Variants in LRRTM3 observed in about 807,000 individuals in gnomAD.
LRRTM3 encodes the protein leucine rich repeat transmembrane neuronal 3.
Under a neutral mutation model 44.7 loss-of-function variants are expected in LRRTM3, and 24 were observed. The ratio of observed to expected loss-of-function variants is 0.54; its 90% CI spans 0.39 to 0.76. The LOEUF (loss-of-function observed/expected upper bound fraction) is 0.76. Ranked by LOEUF, LRRTM3 falls within the 30% of genes least tolerant of loss-of-function variation. LRRTM3 has a pLI of 0.00. For synonymous variants in LRRTM3, 277 were observed against 278.7 expected (o/e 0.99, Z 0.06); for missense variants, 587 against 702.2 (o/e 0.84, Z 1.85).
chr10:67,034,716 C>A (rs2133122202), intron 2 of LRRTM3, among the ~76,000 whole-genome samples: 2 of 152,318 alleles, frequency 1.3e-5, no homozygotes, highest in East Asian at 3.9e-4. Flanking sequence ...TACTCAGATG[C>A]AAAAACTGAC....
chr10:67,055,423 C>G (rs1855363557), intron 2 of LRRTM3, among the ~76,000 whole-genome samples: 1 of 104,100 alleles, frequency 9.6e-6, no homozygotes, highest in African/African-American at 3.6e-5. Context: ...GAACTTTACA[C>G]AGTTCCTGTC....
chr10:66,991,586 T>C (rs2132936770), intron 2 of LRRTM3, among the ~76,000 whole-genome samples: 1 of 152,276 alleles, frequency 6.6e-6, no homozygotes, highest in Admixed American at 6.5e-5. Context: ...AGTTTCGCTC[T>C]TGTTGCCCAG....
In LRRTM3 at chr10:67,092,941, A is replaced by G. The variant is rs1039862170; in HGVS notation, c.1537-4646A>G. 6.6e-5 allele frequency among the ~76,000 whole-genome samples: 10 copies of G among 152,064 alleles called. 1 individual carries two copies. In the East Asian group the frequency reaches 1.9e-3, roughly 29 times the overall value. Reference sequence around the variant, plus strand: ...CTCATTATTACAATAGCATATAACGATTTTCTTAGCTAAGAGTATACATGA... The same window carrying G: ...CTCATTATTACAATAGCATATAACGGTTTTCTTAGCTAAGAGTATACATGA... On this transcript the variant is annotated intron_variant, in intron 2 of 2. Transcript: ENST00000361320.
intron 2 of LRRTM3, among the ~76,000 whole-genome samples, chr10:66,953,984 C>A (rs1848668032): frequency 6.6e-6 from 1 of 152,056 alleles, no homozygotes; most frequent in African/African-American, 2.4e-5. Flanking sequence ...TTTTGAAATA[C>A]AAAATAATTA....
intron 2 of LRRTM3, among the ~76,000 whole-genome samples, chr10:67,016,306 G>A (rs750521837): frequency 7.2e-5 from 11 of 152,196 alleles, no homozygotes; most frequent in Admixed American, 5.2e-4. Context: ...TTCAGCTTAC[G>A]AACTCAAACA....
intron 2 of LRRTM3, among the ~76,000 whole-genome samples, chr10:66,973,902 G>A (rs1304549318): frequency 2.0e-5 from 3 of 152,158 alleles, no homozygotes; most frequent in East Asian, 1.9e-4. Flanking sequence ...GATTACAGGC[G>A]TGAACCACCG....
chr10:66,926,819 G>T (rs1847105493), intron 1 of LRRTM3, 102 bp from the exon 2 acceptor site: 1 of 1,087,710 alleles, frequency 9.2e-7, no homozygotes, highest in South Asian at 1.7e-5. Context: ...GTGTTATTTA[G>T]ATTTAAATTT....
At chr10:67,022,944 T>A (rs1853123349) in intron 2 of LRRTM3, among the ~76,000 whole-genome samples, 1 of 151,718 alleles carries the variant, frequency 6.6e-6, no homozygotes, top group South Asian at 2.1e-4. Flanking sequence ...TCTCAAAAAA[T>A]AAATAAATAA....
At chr10:66,973,836 C>T (rs552711213) in intron 2 of LRRTM3, among the ~76,000 whole-genome samples, 1 of 152,230 alleles carries the variant, frequency 6.6e-6, no homozygotes, top group Non-Finnish European at 1.5e-5. Flanking sequence ...GTTGGCCAGG[C>T]TGGTCTTGAA....
intron 2 of LRRTM3, among the ~76,000 whole-genome samples, chr10:66,957,401 TATATATATATATGCATATATATATATGC>T (rs1190642995): frequency 0.022 from 677 of 30,564 alleles, 9 homozygotes; most frequent in Admixed American, 0.047. Flanking sequence ...TACATATATA[TATATATATATATGCATATATATATATGC>T]ATATATATAT....
chr10:67,075,017 T>G (rs1376331103), intron 2 of LRRTM3, among the ~76,000 whole-genome samples: 1 of 152,168 alleles, frequency 6.6e-6, no homozygotes, highest in Non-Finnish European at 1.5e-5. Flanking sequence ...AAAGATGCAT[T>G]TGGCACTTGA....
chr10:67,086,251 A>T lies in LRRTM3; in HGVS notation c.1537-11336A>T, dbSNP rs550379334. 3.9e-5 allele frequency among the ~76,000 whole-genome samples: 6 copies of T among 152,120 alleles called. No individual in the cohort carries two copies. In the East Asian group the frequency reaches 1.2e-3, roughly 29 times the overall value. On this transcript the variant is annotated intron_variant, in intron 2 of 2. Coordinates refer to ENST00000361320, the MANE Select transcript of LRRTM3 (RefSeq NM_178011.5). ...CTATAAAATGAAACTCATCTGAAGG[A>T]TTTTCTTTAAAAAATGTTACTTGAA...
At chr10:66,930,615 A>G (rs1847323530) in intron 2 of LRRTM3, among the ~76,000 whole-genome samples, 1 of 152,156 alleles carries the variant, frequency 6.6e-6, no homozygotes, top group Admixed American at 6.5e-5. Context: ...AGGAATACTT[A>G]TATTTTTGAA....
In LRRTM3 at chr10:67,098,482, T is replaced by C. The variant is rs1222171173; in HGVS notation, c.*686T>C. The C allele has an allele frequency of 6.6e-6, 1 of 152,254 alleles. No individual in the cohort carries two copies. The highest frequency in any genetic ancestry group is 2.4e-5 in the African/African-American group (1 of 41,400). The allele number at this position is 152,254 out of a possible 1,614,324, so 9.4% of individuals were successfully genotyped here. On this transcript the variant is annotated 3_prime_UTR_variant, in exon 3 of 3. Coordinates refer to ENST00000361320, the MANE Select transcript of LRRTM3 (RefSeq NM_178011.5). ...TAAAAATGAAAAAAAAATCAAAGATTTTTTTAACAGTTCTCAGACTTAACT... is the reference window on the plus strand; with the variant it reads ...TAAAAATGAAAAAAAAATCAAAGATCTTTTTAACAGTTCTCAGACTTAACT...
At chr10:67,079,745 G>A (rs910952673) in intron 2 of LRRTM3, among the ~76,000 whole-genome samples, 1 of 151,964 alleles carries the variant, frequency 6.6e-6, no homozygotes, top group African/African-American at 2.4e-5. Flanking sequence ...CTGCTCAGGA[G>A]GCTGAGGCAG....
rs375368518 is a variant in LRRTM3 at position 66,942,451 on chromosome 10, T to C, written c.1536+13999T>C. On this transcript the variant is annotated intron_variant, in intron 2 of 2. Coordinates refer to ENST00000361320, the MANE Select transcript of LRRTM3 (RefSeq NM_178011.5). ...AAAAATTCTGTTGTTAGTATTGTGT[T>C]TCTTCTAGTAATTCAACATCATTTC... 6.9e-4 allele frequency among the ~76,000 whole-genome samples: 105 copies of C among 152,274 alleles called. 3 individuals are homozygous for C. In the South Asian group the frequency reaches 0.017, roughly 25 times the overall value.
intron 2 of LRRTM3, among the ~76,000 whole-genome samples, chr10:67,071,568 T>C (rs1234916365): frequency 6.6e-6 from 1 of 152,074 alleles, no homozygotes; most frequent in Non-Finnish European, 1.5e-5. Context: ...TCAGCAGTTT[T>C]ACTGAAATGT....
At chr10:67,095,918 A>G (rs985381595) in intron 2 of LRRTM3, among the ~76,000 whole-genome samples, 4 of 151,836 alleles carry the variant, frequency 2.6e-5, no homozygotes, top group African/African-American at 9.7e-5. Flanking sequence ...TGACAACAAG[A>G]TTCTTATTTA....
At chr10:67,070,803 G>A (rs533933447) in intron 2 of LRRTM3, among the ~76,000 whole-genome samples, 1 of 151,816 alleles carries the variant, frequency 6.6e-6, no homozygotes, top group Non-Finnish European at 1.5e-5. Flanking sequence ...GGGTTACAAA[G>A]ATTTTTCTGC....
Sources: allele counts gnomAD v4.1 joint callset (sites outside exome capture counted in the v4.1 genomes callset), GRCh38; gene constraint gnomAD v4.1.1; transcripts MANE v1.5; gene names NCBI Gene and HGNC (gene_info 2026-07-23, HGNC 2026-07-21).